The following PKIA variants were observed in gnomAD, a reference collection of about 807,000 sequenced individuals.
The protein encoded by PKIA is PKI-alpha.
PKIA carries 4 observed loss-of-function variants against 7.6 expected under a neutral mutation model. The ratio of observed to expected loss-of-function variants is 0.52; its 90% CI spans 0.26 to 1.20. The LOEUF is 1.20. PKIA is among the 50% of genes most tolerant of loss of function. The pLI, the probability that PKIA is intolerant of heterozygous loss-of-function variation, is 0.13. For synonymous variants in PKIA, 21 were observed against 30.7 expected (o/e 0.68, Z 1.04); for missense variants, 73 against 86.2 (o/e 0.85, Z 0.61).
At chr8:78,527,918 C>G (rs533926885) in intron 1 of PKIA, among the ~76,000 whole-genome samples, 1 of 152,182 alleles carries the variant, frequency 6.6e-6, no homozygotes, top group Non-Finnish European at 1.5e-5. Flanking sequence ...TAGTGTCTCA[C>G]AAAGTTCTAA....
chr8:78,581,911 C>T (rs1407381683), intron 2 of PKIA, among the ~76,000 whole-genome samples: 1 of 152,012 alleles, frequency 6.6e-6, no homozygotes. Context: ...TTGGGGTTGA[C>T]AGGGCATTGT....
intron 1 of PKIA, among the ~76,000 whole-genome samples, chr8:78,520,071 C>T (rs1021616110): frequency 4.6e-5 from 7 of 152,102 alleles, no homozygotes; most frequent in African/African-American, 1.7e-4. Flanking sequence ...TTTTTATTAC[C>T]TGCAACTCTA....
intron 1 of PKIA, among the ~76,000 whole-genome samples, chr8:78,559,324 G>T (rs1807228674): frequency 1.3e-5 from 2 of 152,148 alleles, no homozygotes; most frequent in African/African-American, 4.8e-5. Context: ...TAAGTGGAAA[G>T]GGGTTCCTGG....
intron 1 of PKIA, among the ~76,000 whole-genome samples, chr8:78,568,352 C>G (rs1807466975): frequency 6.6e-6 from 1 of 152,048 alleles, no homozygotes; most frequent in South Asian, 2.1e-4. Context: ...CTTGTGAACC[C>G]TTAGGAAGCC....
intron 2 of PKIA, among the ~76,000 whole-genome samples, chr8:78,583,085 G>C (rs774248823): frequency 3.3e-5 from 5 of 152,262 alleles, no homozygotes; most frequent in Non-Finnish European, 7.4e-5. Flanking sequence ...CAAGACATGA[G>C]AAGACCCAGG....
At chr8:78,558,316 T>C (rs900748406) in intron 1 of PKIA, 1 of 152,202 alleles carries the variant, frequency 6.6e-6, no homozygotes, top group African/African-American at 2.4e-5. Context: ...ACTAATTCTA[T>C]ACCTTTCACT....
At position 78,524,001 on chromosome 8, in the gene PKIA, TATATATAA is replaced by T. The variant is rs1426504845; in HGVS notation, c.-157+7541_-157+7548del. ...ATATTTATAAATATATATAAACATT[TATATATAA>T]ATATATATAAACGTTTATATAAACG... On this transcript the variant is annotated intron_variant, in intron 1 of 3. Coordinates refer to ENST00000396418, the MANE Select transcript of PKIA (RefSeq NM_006823.4). Among the ~76,000 whole-genome samples the T allele has an allele frequency of 8.5e-3, 752 of 88,238 alleles. 16 individuals carry two copies. The highest frequency in any genetic ancestry group is 0.014 in the Middle Eastern group (2 of 140). 57.9% of individuals were successfully genotyped at this position (88,238 alleles called of 152,430 possible).
At chr8:78,563,462 C>T (rs891156615) in intron 1 of PKIA, among the ~76,000 whole-genome samples, 2 of 151,984 alleles carry the variant, frequency 1.3e-5, no homozygotes, top group Non-Finnish European at 2.9e-5. Context: ...ATTTAGAAAT[C>T]AGATTAAAGG....
chr8:78,567,722 G>C (rs1807452390), intron 1 of PKIA, among the ~76,000 whole-genome samples: 1 of 152,164 alleles, frequency 6.6e-6, no homozygotes, highest in African/African-American at 2.4e-5. Flanking sequence ...AAGCTATTTG[G>C]AAGTTTTCTG....
At chr8:78,545,953 G>A (rs558752910) in intron 1 of PKIA, among the ~76,000 whole-genome samples, 2 of 152,240 alleles carry the variant, frequency 1.3e-5, no homozygotes, top group African/African-American at 4.8e-5. Context: ...AAAGATTTAT[G>A]TATTTTATCC....
At chr8:78,595,882 G>C (rs1363749605) in intron 2 of PKIA, among the ~76,000 whole-genome samples, 2 of 152,146 alleles carry the variant, frequency 1.3e-5, no homozygotes, top group Non-Finnish European at 2.9e-5. Flanking sequence ...TCCTTTGGGT[G>C]TATACCCAGT....
At chr8:78,593,654 T>C (rs1221113522) in intron 2 of PKIA, among the ~76,000 whole-genome samples, 1 of 152,256 alleles carries the variant, frequency 6.6e-6, no homozygotes, top group Non-Finnish European at 1.5e-5. Context: ...CACTGAATTA[T>C]TCCAAGTTCC....
intron 2 of PKIA, among the ~76,000 whole-genome samples, chr8:78,575,485 A>C (rs895377765): frequency 2.0e-5 from 3 of 151,970 alleles, no homozygotes; most frequent in Non-Finnish European, 4.4e-5. Flanking sequence ...TCACTGTATA[A>C]TACAATGTTG....
intron 1 of PKIA, among the ~76,000 whole-genome samples, chr8:78,557,366 G>A (rs1342960867): frequency 6.6e-6 from 1 of 152,074 alleles, no homozygotes; most frequent in East Asian, 1.9e-4. Flanking sequence ...TATATTATAG[G>A]AGAATCAAAG....
intron 1 of PKIA, among the ~76,000 whole-genome samples, chr8:78,550,809 C>G (rs536500188): frequency 8.5e-5 from 13 of 152,068 alleles, no homozygotes; most frequent in Admixed American, 2.6e-4. Context: ...TCCTTCACCC[C>G]CTTCCCACCC....
At chr8:78,588,192 G>A (rs543166037) in intron 2 of PKIA, among the ~76,000 whole-genome samples, 2 of 152,226 alleles carry the variant, frequency 1.3e-5, no homozygotes, top group South Asian at 4.1e-4. Flanking sequence ...AACTGGTTGA[G>A]AAGACCAATA....
rs1283461590 is a variant in PKIA at position 78,605,205 on chromosome 8, A to G, written c.*3384A>G. The G allele has an allele frequency of 6.6e-6, 1 of 151,970 alleles. No homozygotes were observed. Among genetic ancestry groups the G allele is most frequent in the African/African-American group, 2.4e-5 (1 of 41,424 alleles). The allele number at this position is 151,970 out of a possible 1,614,324, so 9.4% of individuals were successfully genotyped here. ...ATTTGTGAGCTTGTATGACTTTTGT[A>G]TTTAGCAATGTTGCATGCTCACATA... is the stretch of plus-strand genomic sequence containing the variant. On this transcript the variant is annotated 3_prime_UTR_variant, in exon 4 of 4. Transcript: ENST00000396418.
intron 2 of PKIA, among the ~76,000 whole-genome samples, chr8:78,573,521 T>C (rs887607497): frequency 6.6e-6 from 1 of 152,016 alleles, no homozygotes; most frequent in Non-Finnish European, 1.5e-5. Context: ...GAATTTTCTT[T>C]TCATTTGCAA....
chr8:78,578,500 C>G (rs1807729309), intron 2 of PKIA, among the ~76,000 whole-genome samples: 1 of 151,400 alleles, frequency 6.6e-6, no homozygotes, highest in African/African-American at 2.4e-5. Context: ...TTTCCAGTTC[C>G]TATGCTGTTA....
Sources: allele counts gnomAD v4.1 joint callset (sites outside exome capture counted in the v4.1 genomes callset), GRCh38; gene constraint gnomAD v4.1.1; transcripts MANE v1.5; gene names NCBI Gene and HGNC (gene_info 2026-07-23, HGNC 2026-07-21).